Variants in CCDC178 observed in about 807,000 individuals in gnomAD.
CCDC178 encodes coiled-coil domain containing 178, also known as coiled-coil domain-containing protein 178.
A neutral mutation model predicts 117.4 loss-of-function variants in CCDC178; 126 were observed. That is an observed-to-expected ratio of 1.07 (90% CI 0.93 to 1.24). CCDC178 has a LOEUF of 1.24. Ranked by LOEUF, CCDC178 falls within the 50% of genes most tolerant of loss-of-function variation. CCDC178 has a pLI of 0.00. For missense variants in CCDC178, 1,030 were observed against 986.9 expected, an observed-to-expected ratio of 1.04 and a Z score of -0.59; for synonymous variants, 283 against 313.4, an observed-to-expected ratio of 0.90 and a Z score of 1.02.
intron 20 of CCDC178, among the ~76,000 whole-genome samples, chr18:33,124,713 G>A (rs915926991): frequency 6.6e-6 from 1 of 152,086 alleles, no homozygotes; most frequent in African/African-American, 2.4e-5. Flanking sequence ...TTCATAATAC[G>A]TGCAAAAGAA....
chr18:33,166,629 A>T (rs2144404125), intron 20 of CCDC178, among the ~76,000 whole-genome samples: 1 of 152,290 alleles, frequency 6.6e-6, no homozygotes, highest in Admixed American at 6.5e-5. Flanking sequence ...TCAAATAGAC[A>T]TTCATTTTCA....
chr18:33,056,235 A>G (rs1472155910), intron 21 of CCDC178, among the ~76,000 whole-genome samples: 1 of 152,164 alleles, frequency 6.6e-6, no homozygotes, highest in Non-Finnish European at 1.5e-5. Flanking sequence ...TAGTGGGGAG[A>G]GAAGGGATGA....
chr18:33,197,027 A>C (rs964678883), intron 20 of CCDC178, among the ~76,000 whole-genome samples: 1 of 151,708 alleles, frequency 6.6e-6, no homozygotes, highest in African/African-American at 2.4e-5. Flanking sequence ...TAATTTTTTC[A>C]TTTCATTTTA....
intron 2 of CCDC178, among the ~76,000 whole-genome samples, chr18:33,417,884 A>C (rs2063968417): frequency 6.6e-6 from 1 of 152,196 alleles, no homozygotes; most frequent in South Asian, 2.1e-4. Context: ...CCAGTACCAG[A>C]GAGATTCATT....
intron 20 of CCDC178, among the ~76,000 whole-genome samples, chr18:33,199,898 A>G (rs1170014563): frequency 6.6e-6 from 1 of 152,178 alleles, no homozygotes; most frequent in Non-Finnish European, 1.5e-5. Flanking sequence ...TTCCAAATCT[A>G]TTCCTCAATT....
At chr18:33,034,950 T>C (rs924320715) in intron 21 of CCDC178, among the ~76,000 whole-genome samples, 31 of 152,034 alleles carry the variant, frequency 2.0e-4, no homozygotes, top group Non-Finnish European at 5.9e-5. Context: ...TGTACATTAA[T>C]ATAAAGATGA....
intron 12 of CCDC178, among the ~76,000 whole-genome samples, chr18:33,277,497 T>G (rs1449965608): frequency 6.6e-6 from 1 of 152,174 alleles, no homozygotes; most frequent in Non-Finnish European, 1.5e-5. Flanking sequence ...TCATTTTCTA[T>G]AAGTCAGAAT....
chr18:33,015,263 G>GAA (rs201400818), intron 21 of CCDC178, among the ~76,000 whole-genome samples: 4 of 84,572 alleles, frequency 4.7e-5, no homozygotes, highest in Admixed American at 4.1e-4. Context: ...TTCAAAAGAA[G>GAA]AAAAAAAAAA....
At chr18:33,282,532 T>C (rs1372474973) in intron 12 of CCDC178, among the ~76,000 whole-genome samples, 1 of 152,138 alleles carries the variant, frequency 6.6e-6, no homozygotes, top group Non-Finnish European at 1.5e-5. Flanking sequence ...TAGGGCAGTC[T>C]CGAGTGGGGC....
At chr18:33,324,242 A>G (rs1186400275) in intron 10 of CCDC178, among the ~76,000 whole-genome samples, 1 of 151,802 alleles carries the variant, frequency 6.6e-6, no homozygotes, top group Non-Finnish European at 1.5e-5. Flanking sequence ...ACATTCCCTT[A>G]TATCACACAT....
intron 21 of CCDC178, among the ~76,000 whole-genome samples, chr18:33,045,549 T>C (rs776333448): frequency 6.6e-6 from 1 of 152,234 alleles, no homozygotes; most frequent in Non-Finnish European, 1.5e-5. Flanking sequence ...ATGAGAAACA[T>C]AGTCTAATGC....
At chr18:33,327,743 T>C (rs1427902785) in intron 10 of CCDC178, among the ~76,000 whole-genome samples, 2 of 152,152 alleles carry the variant, frequency 1.3e-5, no homozygotes, top group African/African-American at 2.4e-5. Context: ...CCCATTTGTA[T>C]GTCTTTCTGA....
At chr18:33,259,404 A>T (rs1482108311) in intron 14 of CCDC178, among the ~76,000 whole-genome samples, 2 of 152,204 alleles carry the variant, frequency 1.3e-5, no homozygotes, top group Non-Finnish European at 2.9e-5. Flanking sequence ...TGGGTAATAT[A>T]TGAAGAAATG....
At chr18:33,129,538 CTA>C (rs2058046877) in intron 20 of CCDC178, among the ~76,000 whole-genome samples, 1 of 151,790 alleles carries the variant, frequency 6.6e-6, no homozygotes, top group Non-Finnish European at 1.5e-5. Flanking sequence ...TCACTGTTTA[CTA>C]AAGTCCTAAA....
intron 21 of CCDC178, among the ~76,000 whole-genome samples, chr18:33,003,596 C>T (rs2044850675): frequency 6.6e-6 from 1 of 152,014 alleles, no homozygotes; most frequent in Non-Finnish European, 1.5e-5. Context: ...TGGGGAAACA[C>T]TGAGTCCTTC....
At chr18:32,979,232 C>T (rs1240715689) in intron 21 of CCDC178, among the ~76,000 whole-genome samples, 2 of 151,940 alleles carry the variant, frequency 1.3e-5, no homozygotes, top group Non-Finnish European at 2.9e-5. Flanking sequence ...TCTCAGTTCG[C>T]TGCAACATTG....
chr18:33,428,979 A>G (rs183669095), intron 2 of CCDC178, among the ~76,000 whole-genome samples: 2 of 151,376 alleles, frequency 1.3e-5, no homozygotes, highest in East Asian at 3.9e-4. Flanking sequence ...TCTGTGCTTG[A>G]GACCATAGAA....
intron 9 of CCDC178, among the ~76,000 whole-genome samples, chr18:33,343,852 CT>C (rs2062848616): frequency 6.6e-6 from 1 of 152,100 alleles, no homozygotes; most frequent in Non-Finnish European, 1.5e-5. Context: ...ATGCTATATA[CT>C]TTTGAGAATC....
intron 11 of CCDC178, among the ~76,000 whole-genome samples, chr18:33,315,294 G>A (rs1275147178): frequency 1.3e-5 from 2 of 152,178 alleles, no homozygotes; most frequent in African/African-American, 2.4e-5. Flanking sequence ...AGCTCTTTCT[G>A]TTGTGCTTGG....
Sources: gnomAD v4.1 joint callset for allele counts (sites outside exome capture counted in the v4.1 genomes callset) on GRCh38, gnomAD v4.1.1 for gene constraint, MANE v1.5 for transcripts, NCBI Gene and HGNC (gene_info 2026-07-23, HGNC 2026-07-21) for gene names.